CTNNA3: variants seen among roughly 807,000 people sequenced by gnomAD.
CTNNA3 encodes catenin alpha 3, also known as catenin alpha-3.
In CTNNA3, 76 loss-of-function variants were observed where a neutral mutation model predicts 95.7. The ratio of observed to expected loss-of-function variants is 0.79; its 90% CI spans 0.66 to 0.96. The LOEUF (loss-of-function observed/expected upper bound fraction) is 0.96, where lower values mean the gene tolerates loss of function less well. Ranked by LOEUF, CTNNA3 falls within the 40% of genes least tolerant of loss-of-function variation. The pLI is 0.00. For synonymous variants in CTNNA3, 431 were observed against 374.4 expected (o/e 1.15, Z -1.74); for missense variants, 1,191 against 1,089.8 (o/e 1.09, Z -1.31).
At chr10:67,702,874 G>A (rs897046326) in intron 1 of CTNNA3, among the ~76,000 whole-genome samples, 18 of 151,940 alleles carry the variant, frequency 1.2e-4, no homozygotes, top group Non-Finnish European at 2.4e-4. Flanking sequence ...CTGATAGACC[G>A]CTAGCAAGAC....
chr10:67,700,915 A>G (rs1188548573), upstream of CTNNA3, among the ~76,000 whole-genome samples: 2 of 152,222 alleles, frequency 1.3e-5, no homozygotes, highest in Non-Finnish European at 2.9e-5. Context: ...AATAACCAAT[A>G]CAGAGAAGTG....
chr10:66,156,506 T>C (rs1159273337), intron 13 of CTNNA3, among the ~76,000 whole-genome samples: 1 of 151,894 alleles, frequency 6.6e-6, no homozygotes, highest in East Asian at 1.9e-4. Flanking sequence ...AGTACAATTA[T>C]AGATGCTAGG....
At chr10:67,430,568 G>A (rs1846076314) in intron 5 of CTNNA3, among the ~76,000 whole-genome samples, 1 of 151,904 alleles carries the variant, frequency 6.6e-6, no homozygotes, top group African/African-American at 2.4e-5. Context: ...AAGGGAGATG[G>A]AAGGAGATAA....
chr10:66,595,777 C>T (rs918663230), intron 10 of CTNNA3, among the ~76,000 whole-genome samples: 3 of 152,040 alleles, frequency 2.0e-5, no homozygotes, highest in Non-Finnish European at 4.4e-5. Context: ...GATGGGACTA[C>T]AGGAGTGCAC....
intron 7 of CTNNA3, among the ~76,000 whole-genome samples, chr10:67,095,782 A>T (rs960229536): frequency 6.6e-6 from 1 of 151,828 alleles, no homozygotes; most frequent in Non-Finnish European, 1.5e-5. Flanking sequence ...TTCCCAGAGG[A>T]TAATGTAAAA....
At chr10:67,707,354 C>A (rs1231212439) in intron 1 of CTNNA3, among the ~76,000 whole-genome samples, 1 of 152,056 alleles carries the variant, frequency 6.6e-6, no homozygotes, top group Admixed American at 6.6e-5. Context: ...ACTCAAAACA[C>A]TCTCCCCTCT....
At chr10:66,719,728 G>A (rs1341846291) in intron 9 of CTNNA3, among the ~76,000 whole-genome samples, 1 of 152,164 alleles carries the variant, frequency 6.6e-6, no homozygotes, top group East Asian at 1.9e-4. Context: ...AAACATATTT[G>A]AGTCACTTTG....
intron 5 of CTNNA3, among the ~76,000 whole-genome samples, chr10:67,393,547 G>T (rs1265565464): frequency 2.0e-5 from 3 of 152,236 alleles, no homozygotes; most frequent in African/African-American, 7.2e-5. Flanking sequence ...AAATTAGAAT[G>T]TACTATCACT....
chr10:66,083,721 G>A (rs1193649536), intron 14 of CTNNA3, among the ~76,000 whole-genome samples: 1 of 152,076 alleles, frequency 6.6e-6, no homozygotes, highest in Non-Finnish European at 1.5e-5. Context: ...TGATCACCCA[G>A]GTACACAAAC....
intron 7 of CTNNA3, among the ~76,000 whole-genome samples, chr10:66,939,467 T>C (rs1216058641): frequency 1.3e-5 from 2 of 152,202 alleles, no homozygotes; most frequent in Non-Finnish European, 2.9e-5. Context: ...CACCATCTAA[T>C]AATTTAATGT....
chr10:66,866,767 G>A (rs1051353666), intron 7 of CTNNA3, among the ~76,000 whole-genome samples: 15 of 152,046 alleles, frequency 9.9e-5, no homozygotes, highest in Admixed American at 2.6e-4. Context: ...TCAAACACTA[G>A]TGAAAAGGAA....
At chr10:67,110,178 T>G (rs1311371647) in intron 7 of CTNNA3, among the ~76,000 whole-genome samples, 2 of 152,246 alleles carry the variant, frequency 1.3e-5, no homozygotes, top group East Asian at 3.8e-4. Flanking sequence ...TAACTACTTC[T>G]ATTAAATACC....
chr10:66,352,028 G>A (rs1016973439), intron 12 of CTNNA3, among the ~76,000 whole-genome samples: 11 of 151,982 alleles, frequency 7.2e-5, no homozygotes, highest in South Asian at 2.1e-4. Context: ...AGTACTATAT[G>A]CCAGAATGAA....
chr10:66,809,433 T>C (rs542589016), intron 7 of CTNNA3, among the ~76,000 whole-genome samples: 1 of 152,204 alleles, frequency 6.6e-6, no homozygotes, highest in African/African-American at 2.4e-5. Flanking sequence ...TTTTTTCCAT[T>C]ACTAACTTTT....
At chr10:67,219,516 C>G in intron 6 of CTNNA3, 91 bp downstream of exon 6, 2 of 1,405,960 alleles carry the variant, frequency 1.4e-6, no homozygotes, top group Non-Finnish European at 1.9e-6. Context: ...TTCTCATGCT[C>G]TAAACGCCAA....
chr10:66,801,513 G>A (rs1402754230), intron 7 of CTNNA3, among the ~76,000 whole-genome samples: 2 of 151,342 alleles, frequency 1.3e-5, no homozygotes, highest in African/African-American at 4.8e-5. Flanking sequence ...ATTTGAAACA[G>A]CATCAAAAGT....
At chr10:66,881,996 G>A (rs961723730) in intron 7 of CTNNA3, among the ~76,000 whole-genome samples, 2 of 152,020 alleles carry the variant, frequency 1.3e-5, no homozygotes, top group East Asian at 1.9e-4. Context: ...TGACCTTCTC[G>A]AGTTGTGGAG....
intron 13 of CTNNA3, among the ~76,000 whole-genome samples, chr10:66,104,932 A>G (rs570199894): frequency 1.2e-4 from 18 of 152,334 alleles, no homozygotes; most frequent in Non-Finnish European, 7.3e-5. Context: ...AGCTCATATT[A>G]TATAGCAAAA....
At chr10:67,517,712 G>GT (rs1564709352) in intron 5 of CTNNA3, among the ~76,000 whole-genome samples, 1 of 152,108 alleles carries the variant, frequency 6.6e-6, no homozygotes, top group Non-Finnish European at 1.5e-5. Context: ...TGCCCATCAA[G>GT]AGATATCACC....
Sources: allele counts gnomAD v4.1 joint callset (sites outside exome capture counted in the v4.1 genomes callset), GRCh38; gene constraint gnomAD v4.1.1; transcripts MANE v1.5; gene names NCBI Gene and HGNC (gene_info 2026-07-23, HGNC 2026-07-21).